The following C8orf33 variants were observed in gnomAD, a reference collection of about 807,000 sequenced individuals.
C8orf33 encodes the protein chromosome 8 open reading frame 33.
A neutral mutation model predicts 25.7 loss-of-function variants in C8orf33; 28 were observed. That is an observed-to-expected ratio of 1.09 (90% CI 0.81 to 1.49). The LOEUF (loss-of-function observed/expected upper bound fraction) is 1.49. Ranked by LOEUF, C8orf33 falls within the 40% of genes most tolerant of loss-of-function variation. The pLI is 0.00. For synonymous variants in C8orf33, 153 were observed against 115.9 expected (o/e 1.32, Z -2.06); for missense variants, 369 against 294.4 (o/e 1.25, Z -1.85).
At chr8:145,053,787 C>T in intron 4 of C8orf33, 2 of 601,368 alleles carry the variant, frequency 3.3e-6, no homozygotes, top group Non-Finnish European at 5.8e-6. Flanking sequence ...TTCCTGGGGC[C>T]AGATCAGCTA....
chr8:145,054,264 G>T lies in C8orf33; in HGVS notation c.*107G>T. The T allele has an allele frequency of 7.5e-7, 1 of 1,328,712 alleles. No homozygotes were observed. Among genetic ancestry groups the T allele is most frequent in the Non-Finnish European group, 1.0e-6 (1 of 961,280 alleles). 82.3% of individuals were successfully genotyped at this position (1,328,712 alleles called of 1,614,324 possible). ...CTGTTGTCAGAGAACCCTGGAGTTG[G>T]TCTGTCCCTGGCTGGTCCAAGGATT... On this transcript the variant is annotated 3_prime_UTR_variant, in exon 5 of 5. Coordinates refer to ENST00000331434, the MANE Select transcript of C8orf33 (RefSeq NM_023080.3).
rs989498788 is a variant in C8orf33, at chr8:145,053,602, C to CT, written c.550+162dup. On this transcript the variant is annotated intron_variant, in intron 4 of 4. Transcript: ENST00000331434. ...AGGGAAACAGAAAGCGTGGACCTCT[C>CT]TTTCCTCTTCCTAGGACTGAACCTG... The CT allele has an allele frequency of 7.0e-6, 5 of 714,772 alleles. No individual in the cohort carries two copies. In the African/African-American group the frequency reaches 9.0e-5, roughly 13 times the overall value. The allele number at this position is 714,772 out of a possible 1,614,324, so 44.3% of individuals were successfully genotyped here.
rs779922277 is a variant in C8orf33 at position 145,052,743 on chromosome 8, C to G, written c.164C>G (p.Ser55Cys). The G allele has an allele frequency of 3.7e-6, 6 of 1,614,062 alleles. No individual in the cohort carries two copies. The highest frequency in any genetic ancestry group is 2.2e-5 in the South Asian group (2 of 91,088). Residue 55 changes from serine (S) to cysteine (C), a missense_variant, in exon 2 of 5, where the codon TCC becomes TGC. Transcript: ENST00000331434. ...CAACCTACGTGCAGTAACGCTGACT[C>G]CAGAGCGCACCCGTTGGGCGATGAA... ...PEQPTCSNAD[S>C]RAHPLGDEGG...
chr8:145,053,048 C>G lies in C8orf33; in HGVS notation c.319-14C>G, dbSNP rs748662605. On this transcript the variant is annotated splice_polypyrimidine_tract_variant and intron_variant, in intron 2 of 4. Transcript: ENST00000331434. ...CAGTGCCCTCTCACAGCCACTTCCC[C>G]AAATCCATCACAGGCACAACAGTTG... 14 of 1,614,014 alleles carry G rather than the reference C, an allele frequency of 8.7e-6. No individual in the cohort carries two copies. Among genetic ancestry groups the G allele is most frequent in the Non-Finnish European group, 4.2e-6 (5 of 1,180,020 alleles).
chr8:145,052,928 A>G, intron 2 of C8orf33, 31 bp downstream of exon 2: 1 of 1,529,902 alleles, frequency 6.5e-7, no homozygotes, highest in South Asian at 1.2e-5. Context: ...GGAAGGGTGG[A>G]ATCCACGGGT....
At chr8:145,053,955 C>G in intron 4 of C8orf33, 63 bp from the exon 5 acceptor site, 1 of 1,558,578 alleles carries the variant, frequency 6.4e-7, no homozygotes, top group Non-Finnish European at 8.7e-7. Flanking sequence ...GCAAACATAA[C>G]TGTACAGGTA....
intron 2 of C8orf33, 52 bp downstream of exon 2, chr8:145,052,949 G>A: frequency 1.9e-6 from 3 of 1,591,400 alleles, no homozygotes; most frequent in Admixed American, 1.7e-5. Flanking sequence ...GCGAATCCAC[G>A]GGCACGTGTG....
At chr8:145,053,533 G>A in intron 4 of C8orf33, 90 bp downstream of exon 4, 1 of 1,351,694 alleles carries the variant, frequency 7.4e-7, no homozygotes, top group Non-Finnish European at 1.0e-6. Flanking sequence ...AGAGCAACAA[G>A]CCTGGTGGGG....
intron 3 of C8orf33, 21 bp from the exon 4 acceptor site, chr8:145,053,276 G>A: frequency 1.2e-6 from 2 of 1,614,006 alleles, no homozygotes; most frequent in Non-Finnish European, 1.7e-6. Flanking sequence ...GTGTTCACTA[G>A]TCCTTTATTT....
intron 4 of C8orf33, 109 bp downstream of exon 4, chr8:145,053,552 T>C (rs1835312111): frequency 9.0e-7 from 1 of 1,112,104 alleles, no homozygotes; most frequent in African/African-American, 1.6e-5. Context: ...GGGAAGGAGA[T>C]GGGCTCAGGG....
Position 145,053,392 on chromosome 8 carries a change from AG to A in C8orf33, c.502del (p.Ala168LeufsTer26), listed in dbSNP as rs1229541872. On this transcript the variant is annotated frameshift_variant, in exon 4 of 5. Transcript: ENST00000331434. LOFTEE classifies it high-confidence loss of function. ...GATGCACTCCTTGTTTGGAGACTAT[AG>A]GGCTCAGATGGAAGCCGAATGGCGT... ...QLMHSLFGDY[R>X]AQMEAEWREA... 4 of 1,614,222 alleles carry A rather than the reference AG, an allele frequency of 2.5e-6. No homozygotes were observed. The highest frequency in any genetic ancestry group is 3.4e-6 in the Non-Finnish European group (4 of 1,180,036).
At position 145,052,647 on chromosome 8, in the gene C8orf33, C is replaced by T. The variant is rs760982820; in HGVS notation, c.68C>T (p.Ser23Phe). ...AAPGPGTPCA[S>F]RGARLPGPVS... ...CCAGGCCCGGGTACTCCCTGCGCGT[C>T]CCGCGGAGCCCGGCTTCCCGGCCCA... is the stretch of plus-strand genomic sequence containing the variant. The change falls in exon 2 of 5, where the codon TCC becomes TTC. Residue 23 changes from serine (S) to phenylalanine (F), a missense_variant. By Grantham distance (155) the Ser-to-Phe change is radical. Transcript: ENST00000331434. 3 of 1,612,578 alleles carry T rather than the reference C, an allele frequency of 1.9e-6. No individual in the cohort carries two copies. The highest frequency in any genetic ancestry group is 8.5e-7 in the Non-Finnish European group (1 of 1,179,994).
At position 145,054,378 on chromosome 8, in the gene C8orf33, G is replaced by A; in HGVS notation, c.*221G>A. On this transcript the variant is annotated 3_prime_UTR_variant, in exon 5 of 5. Coordinates refer to ENST00000331434, the MANE Select transcript of C8orf33 (RefSeq NM_023080.3). ...AATGTTCTCTCTTTCAGAAGAGAGA[G>A]AGAGGTGCATTTAGAAAATATGCAA... The A allele has an allele frequency of 2.1e-6, 1 of 485,790 alleles. No homozygotes were observed. Among genetic ancestry groups the A allele is most frequent in the South Asian group, 3.1e-5 (1 of 32,486 alleles). The allele number at this position is 485,790 out of a possible 1,614,324, so 30.1% of individuals were successfully genotyped here.
At position 145,055,277 on chromosome 8, in the gene C8orf33, A is replaced by G. The variant is rs1405665963; in HGVS notation, c.*1120A>G. ...TATCATTAATCATTAGTTTATAGCA[A>G]TTACTCTTTATTCCAATATTATAAT... On this transcript the variant is annotated 3_prime_UTR_variant, in exon 5 of 5. Coordinates refer to ENST00000331434, the MANE Select transcript of C8orf33 (RefSeq NM_023080.3). 6.6e-6 allele frequency: 1 copy of G among 152,130 alleles called. No individual in the cohort carries two copies. Among genetic ancestry groups the G allele is most frequent in the East Asian group, 1.9e-4 (1 of 5,200 alleles). The allele number at this position is 152,130 out of a possible 1,614,324, so 9.4% of individuals were successfully genotyped here.
intron 2 of C8orf33, 40 bp from the exon 3 acceptor site, chr8:145,053,022 C>A: frequency 3.7e-6 from 6 of 1,613,312 alleles, no homozygotes; most frequent in Non-Finnish European, 5.1e-6. Flanking sequence ...CTATGGTTTT[C>A]CAGTGCCCTC....
In C8orf33 at chr8:145,055,529, A is replaced by G. The variant is rs370407607; in HGVS notation, c.*1372A>G. The G allele has an allele frequency of 1.3e-3, 228 of 172,588 alleles. 9 individuals are homozygous for G. The highest frequency in any genetic ancestry group is 6.9e-3 in the South Asian group (50 of 7,278). 10.7% of individuals were successfully genotyped at this position (172,588 alleles called of 1,614,324 possible). A position where few individuals can be genotyped will look rare whatever the true frequency, so the allele number is the denominator to read the frequency against. On this transcript the variant is annotated 3_prime_UTR_variant, in exon 5 of 5. Coordinates refer to ENST00000331434, the MANE Select transcript of C8orf33 (RefSeq NM_023080.3). ...GCATCAGTGTCAAGGAAAAACACCC[A>G]CTACTTAGCAGACTGGGAAAAGGAG...
rs902036202 is a variant in C8orf33, at chr8:145,055,035, T to C, written c.*878T>C. On this transcript the variant is annotated 3_prime_UTR_variant, in exon 5 of 5. Transcript: ENST00000331434. Reference sequence around the variant, plus strand: ...TCAGCATTTCCACTTGGGTGCTTCATAGGCATTTCAAACCTGATGTGTTTA... The same window carrying C: ...TCAGCATTTCCACTTGGGTGCTTCACAGGCATTTCAAACCTGATGTGTTTA... 1 of 152,208 alleles carries C rather than the reference T, an allele frequency of 6.6e-6. No individual in the cohort carries two copies. Among genetic ancestry groups the C allele is most frequent in the Non-Finnish European group, 1.5e-5 (1 of 68,034 alleles). 9.4% of individuals were successfully genotyped at this position (152,208 alleles called of 1,614,324 possible). A position where few individuals can be genotyped will look rare whatever the true frequency, so the allele number is the denominator to read the frequency against.
rs946494121 is a variant in C8orf33 at position 145,054,568 on chromosome 8, G to A, written c.*411G>A. 1.8e-5 allele frequency: 3 copies of A among 167,014 alleles called. No individual in the cohort carries two copies. Among genetic ancestry groups the A allele is most frequent in the African/African-American group, 7.2e-5 (3 of 41,624 alleles). 10.3% of individuals were successfully genotyped at this position (167,014 alleles called of 1,614,324 possible). On this transcript the variant is annotated 3_prime_UTR_variant, in exon 5 of 5. Coordinates refer to ENST00000331434, the MANE Select transcript of C8orf33 (RefSeq NM_023080.3). Reference sequence around the variant, plus strand: ...CCTGTCAAATGGTTTAGTGCTTAATGCTGTTATGTCATATTGCCCTAATCT... The same window carrying A: ...CCTGTCAAATGGTTTAGTGCTTAATACTGTTATGTCATATTGCCCTAATCT...
chr8:145,053,795 C>G, intron 4 of C8orf33: 2 of 612,802 alleles, frequency 3.3e-6, no homozygotes, highest in Non-Finnish European at 5.7e-6. Flanking sequence ...GCCAGATCAG[C>G]TAGGTTCAAA....
Sources: gnomAD v4.1 joint callset for allele counts on GRCh38, gnomAD v4.1.1 for gene constraint, MANE v1.5 for transcripts, NCBI Gene and HGNC (gene_info 2026-07-23, HGNC 2026-07-21) for gene names.